Variants in GRHL2 observed in about 807,000 individuals in gnomAD.
The protein encoded by GRHL2 is grainyhead like transcription factor 2.
A neutral mutation model predicts 83.8 loss-of-function variants in GRHL2; 21 were observed. The observed-to-expected ratio is 0.25, with a 90% CI of 0.18 to 0.36. The LOEUF is 0.36. Ranked by LOEUF, GRHL2 falls within the 10% of genes least tolerant of loss-of-function variation. The pLI is 1.00. For missense variants in GRHL2, 623 were observed against 781.8 expected (o/e 0.80, Z 2.42); for synonymous variants, 280 against 278.9 (o/e 1.00, Z -0.04).
chr8:101,511,318 T>C (rs1020203672), intron 1 of GRHL2, among the ~76,000 whole-genome samples: 11 of 152,144 alleles, frequency 7.2e-5, no homozygotes, highest in Non-Finnish European at 1.5e-4. Flanking sequence ...CTTTGATAGA[T>C]TGCTCTCCAA....
chr8:101,600,097 G>A (rs1026555343), intron 8 of GRHL2, among the ~76,000 whole-genome samples: 1 of 152,180 alleles, frequency 6.6e-6, no homozygotes, highest in Non-Finnish European at 1.5e-5. Context: ...GAAAGGAAAC[G>A]GGTTGGGAGT....
At chr8:101,499,028 T>A (rs1346727811) in intron 1 of GRHL2, among the ~76,000 whole-genome samples, 1 of 151,462 alleles carries the variant, frequency 6.6e-6, no homozygotes, top group Non-Finnish European at 1.5e-5. Flanking sequence ...TGAGCTGAGA[T>A]TGTGCCACTG....
intron 14 of GRHL2, among the ~76,000 whole-genome samples, chr8:101,657,693 A>G (rs1813824054): frequency 1.3e-5 from 2 of 152,026 alleles, no homozygotes; most frequent in Admixed American, 6.6e-5. Flanking sequence ...ACAAAAAATT[A>G]GCAGGGTGTG....
intron 1 of GRHL2, among the ~76,000 whole-genome samples, chr8:101,515,872 C>T (rs1458569119): frequency 6.6e-6 from 1 of 152,166 alleles, no homozygotes; most frequent in East Asian, 1.9e-4. Context: ...TTCATAGTTA[C>T]TGTACGTAGT....
rs1231847942 is a variant in GRHL2 at position 101,552,756 on chromosome 8, T to C, written c.258T>C (p.Ser86=). The C allele has an allele frequency of 6.2e-7, 1 of 1,614,100 alleles. No individual in the cohort carries two copies. Among genetic ancestry groups the C allele is most frequent in the South Asian group, 1.1e-5 (1 of 91,074 alleles). Residue 86 remains serine (S), a synonymous_variant, in exon 3 of 16, where the codon AGT becomes AGC. Transcript: ENST00000646743. ...DKRLLSVSKA[S]DSQEDQEKRN... Reference sequence around the variant, plus strand: ...GGCTGCTGTCTGTAAGCAAAGCAAGTGACAGCCAAGAAGACCAGGAGAAAA... The same window carrying C: ...GGCTGCTGTCTGTAAGCAAAGCAAGCGACAGCCAAGAAGACCAGGAGAAAA...
chr8:101,499,356 T>A (rs1304751749), intron 1 of GRHL2, among the ~76,000 whole-genome samples: 2 of 152,200 alleles, frequency 1.3e-5, no homozygotes, highest in Non-Finnish European at 2.9e-5. Flanking sequence ...CCTTACTTCC[T>A]CCCTTATTTA....
At chr8:101,512,815 G>T (rs1810491915) in intron 1 of GRHL2, among the ~76,000 whole-genome samples, 1 of 152,180 alleles carries the variant, frequency 6.6e-6, no homozygotes, top group South Asian at 2.1e-4. Context: ...AGTGCAATCA[G>T]ACTGCTATAG....
chr8:101,503,844 G>T (rs548638617), intron 1 of GRHL2, among the ~76,000 whole-genome samples: 7 of 152,182 alleles, frequency 4.6e-5, no homozygotes, highest in African/African-American at 1.4e-4. Flanking sequence ...GAAGAATAAA[G>T]AATTCAGAAA....
intron 1 of GRHL2, among the ~76,000 whole-genome samples, chr8:101,493,670 G>C (rs868750379): frequency 6.6e-6 from 1 of 152,142 alleles, no homozygotes; most frequent in Non-Finnish European, 1.5e-5. Context: ...GGACGCGGCA[G>C]GCGGGACTGC....
At chr8:101,509,108 T>TC (rs869190968) in intron 1 of GRHL2, among the ~76,000 whole-genome samples, 1 of 25,474 alleles carries the variant, frequency 3.9e-5, no homozygotes, top group Non-Finnish European at 8.5e-5. Flanking sequence ...TTTCTTTCTC[T>TC]CCTTCCTTCC....
chr8:101,565,765 C>T (rs1811704892), intron 4 of GRHL2, among the ~76,000 whole-genome samples: 1 of 152,202 alleles, frequency 6.6e-6, no homozygotes, highest in Non-Finnish European at 1.5e-5. Context: ...CCCATTAGTC[C>T]TCCCATGTGC....
intron 4 of GRHL2, 45 bp downstream of exon 4, chr8:101,558,857 C>T: frequency 6.3e-7 from 1 of 1,599,272 alleles, no homozygotes. Context: ...AACCCAGAGC[C>T]CCTAGCTAAT....
intron 7 of GRHL2, among the ~76,000 whole-genome samples, chr8:101,596,108 G>A (rs1194744363): frequency 6.8e-6 from 1 of 146,628 alleles, no homozygotes; most frequent in Non-Finnish European, 1.5e-5. Context: ...TGACAGAGCA[G>A]GACTCCGTCT....
chr8:101,644,250 C>G, intron 13 of GRHL2, 25 bp downstream of exon 13: 1 of 1,568,956 alleles, frequency 6.4e-7, no homozygotes, highest in Non-Finnish European at 8.8e-7. Flanking sequence ...GGGGCATGCC[C>G]TCTCAGAAGG....
In GRHL2 at chr8:101,632,254, T is replaced by G. The variant is rs1813200155; in HGVS notation, c.1374T>G (p.Pro458=). 6.2e-7 allele frequency: 1 copy of G among 1,614,034 alleles called. No individual in the cohort carries two copies. The highest frequency in any genetic ancestry group is 1.3e-5 in the African/African-American group (1 of 75,018). ...CTGATGGGAAGTTGGCTGCCATACC[T>G]TTACAGAAGAAGAGTGACATCACCT... ...SSSDGKLAAI[P]LQKKSDITYF... Residue 458 remains proline, a synonymous_variant, in exon 11 of 16, where the codon CCT becomes CCG. Coordinates refer to ENST00000646743, the MANE Select transcript of GRHL2 (RefSeq NM_024915.4).
intron 8 of GRHL2, among the ~76,000 whole-genome samples, chr8:101,608,572 G>A (rs1812677150): frequency 6.8e-6 from 1 of 147,740 alleles, no homozygotes; most frequent in Admixed American, 6.6e-5. Flanking sequence ...GCTAGAAGAG[G>A]TCTGAAGAGA....
chr8:101,631,375 T>A (rs1813182856), intron 9 of GRHL2, among the ~76,000 whole-genome samples: 1 of 152,200 alleles, frequency 6.6e-6, no homozygotes, highest in Non-Finnish European at 1.5e-5. Context: ...AAAACTGAAT[T>A]TCTTTAAATA....
At chr8:101,597,601 G>A (rs181537018) in intron 7 of GRHL2, among the ~76,000 whole-genome samples, 8 of 149,228 alleles carry the variant, frequency 5.4e-5, no homozygotes, top group African/African-American at 2.0e-4. Context: ...AACACCGCAT[G>A]TTCTCACTCA....
intron 1 of GRHL2, among the ~76,000 whole-genome samples, chr8:101,533,249 G>A (rs1456169357): frequency 6.6e-6 from 1 of 152,008 alleles, no homozygotes; most frequent in Non-Finnish European, 1.5e-5. Flanking sequence ...TAAAATCAAG[G>A]CAACTTACAT....
Sources: gnomAD v4.1 joint callset for allele counts (sites outside exome capture counted in the v4.1 genomes callset) on GRCh38, gnomAD v4.1.1 for gene constraint, MANE v1.5 for transcripts, NCBI Gene and HGNC (gene_info 2026-07-23, HGNC 2026-07-21) for gene names.